The following YIPF7 variants were observed in gnomAD, a reference collection of about 807,000 sequenced individuals.
YIPF7 encodes Yip1 domain family member 7.
Under a neutral mutation model 27.2 loss-of-function variants are expected in YIPF7, and 35 were observed. The ratio of observed to expected loss-of-function variants is 1.29; its 90% CI spans 0.98 to 1.70. The LOEUF is 1.70. YIPF7 is among the 40% of genes most tolerant of loss of function. The pLI is 0.00. For synonymous variants in YIPF7, 137 were observed against 110.4 expected, an observed-to-expected ratio of 1.24 and a Z score of -1.51; for missense variants, 358 against 303.7, an observed-to-expected ratio of 1.18 and a Z score of -1.33.
chr4:44,636,145 G>A (rs972343429), intron 2 of YIPF7, 60 bp from the exon 3 acceptor site: 5 of 1,465,888 alleles, frequency 3.4e-6, no homozygotes, highest in African/African-American at 1.4e-5. Context: ...TGACAAAGGA[G>A]GAAAATTACA....
At chr4:44,624,916 A>G (rs1465845597) in intron 4 of YIPF7, 134 bp from the exon 5 acceptor site, 1 of 772,960 alleles carries the variant, frequency 1.3e-6, no homozygotes, top group African/African-American at 1.8e-5. Context: ...TCATCAGGAG[A>G]CTGGAAGTTC....
intron 2 of YIPF7, among the ~76,000 whole-genome samples, chr4:44,649,247 T>A (rs371557589): frequency 2.4e-4 from 36 of 152,294 alleles, no homozygotes; most frequent in African/African-American, 8.7e-4. Context: ...GCCCAGTGCC[T>A]GTATCCCAGC....
chr4:44,628,244 G>A (rs969556002), intron 4 of YIPF7, among the ~76,000 whole-genome samples: 6 of 152,084 alleles, frequency 3.9e-5, no homozygotes, highest in Admixed American at 3.9e-4. Context: ...GAAATAAGAT[G>A]TTATCGCTAA....
At chr4:44,641,063 C>T (rs1265541176) in intron 2 of YIPF7, among the ~76,000 whole-genome samples, 1 of 152,002 alleles carries the variant, frequency 6.6e-6, no homozygotes, top group Admixed American at 6.6e-5. Flanking sequence ...AGGTGCTCTC[C>T]CATAACCTGA....
At chr4:44,647,305 G>A (rs1420691341) in intron 2 of YIPF7, among the ~76,000 whole-genome samples, 4 of 152,010 alleles carry the variant, frequency 2.6e-5, no homozygotes, top group Non-Finnish European at 4.4e-5. Flanking sequence ...ATAAAGCCGC[G>A]GTCCATGAGT....
At chr4:44,641,392 G>A (rs1196677202) in intron 2 of YIPF7, among the ~76,000 whole-genome samples, 1 of 152,040 alleles carries the variant, frequency 6.6e-6, no homozygotes, top group Non-Finnish European at 1.5e-5. Context: ...ATTCAACTTT[G>A]CCAAGCCATA....
Position 44,622,683 on chromosome 4 carries a change from G to A in YIPF7, c.609-107C>T, listed in dbSNP as rs151304151. ...GCACAATATTTATAACTACTTTCCC[G>A]AGTGGTAAAATGAAAATGATAAAAT... is the stretch of plus-strand genomic sequence containing the variant. On this transcript the variant is annotated intron_variant, in intron 5 of 5. Coordinates refer to ENST00000415895, the MANE Select transcript of YIPF7 (RefSeq NM_182592.3). The A allele has an allele frequency of 3.7e-4, 497 of 1,357,268 alleles. 7 individuals carry two copies. The East Asian group carries it at 0.011, about 31-fold the overall frequency. 84.1% of individuals were successfully genotyped at this position (1,357,268 alleles called of 1,614,324 possible).
At chr4:44,645,676 C>T (rs1016946052) in intron 2 of YIPF7, among the ~76,000 whole-genome samples, 1 of 151,896 alleles carries the variant, frequency 6.6e-6, no homozygotes, top group Non-Finnish European at 1.5e-5. Context: ...TAAATGTTAA[C>T]TGAATTAGAT....
chr4:44,624,563 T>A, intron 5 of YIPF7, 38 bp downstream of exon 5: 1 of 1,506,294 alleles, frequency 6.6e-7, no homozygotes, highest in South Asian at 1.3e-5. Context: ...TGGCTATGAT[T>A]GTGCATGTGG....
At chr4:44,650,131 T>A in intron 1 of YIPF7, 30 bp from the exon 2 acceptor site, 1 of 1,290,420 alleles carries the variant, frequency 7.7e-7, no homozygotes, top group Non-Finnish European at 1.1e-6. Flanking sequence ...TTTTAATAAG[T>A]TCATGAGTCA....
chr4:44,660,861 A>G (rs181563279), intron 1 of YIPF7, among the ~76,000 whole-genome samples: 1 of 152,310 alleles, frequency 6.6e-6, no homozygotes, highest in East Asian at 1.9e-4. Flanking sequence ...TTTTTGTAGG[A>G]TGGAAAAAAT....
chr4:44,623,115 C>G (rs962220600), intron 5 of YIPF7, among the ~76,000 whole-genome samples: 2 of 152,162 alleles, frequency 1.3e-5, no homozygotes, highest in African/African-American at 4.8e-5. Context: ...GTGTGGCTTC[C>G]CACCTCATCC....
intron 2 of YIPF7, among the ~76,000 whole-genome samples, chr4:44,648,720 A>T (rs1379522472): frequency 6.6e-6 from 1 of 152,152 alleles, no homozygotes; most frequent in Non-Finnish European, 1.5e-5. Context: ...TAGTGGTTTT[A>T]CTTTAACACA....
At chr4:44,658,691 A>T (rs1029073321) in intron 2 of YIPF7, among the ~76,000 whole-genome samples, 6 of 152,244 alleles carry the variant, frequency 3.9e-5, no homozygotes, top group African/African-American at 1.4e-4. Flanking sequence ...TGATAAAGGC[A>T]TACCCGAGAC....
intron 3 of YIPF7, among the ~76,000 whole-genome samples, chr4:44,631,428 T>A (rs971614672): frequency 6.6e-6 from 1 of 152,132 alleles, no homozygotes; most frequent in African/African-American, 2.4e-5. Context: ...AAAAGTTGAC[T>A]TTTCTGTACA....
At chr4:44,639,767 AT>A (rs1305342580) in intron 2 of YIPF7, among the ~76,000 whole-genome samples, 1 of 140,514 alleles carries the variant, frequency 7.1e-6, no homozygotes, top group Admixed American at 7.4e-5. Context: ...GTCTTGTTTC[AT>A]TTTTTCTTAG....
chr4:44,641,115 T>A (rs1713308812), intron 2 of YIPF7, among the ~76,000 whole-genome samples: 1 of 152,094 alleles, frequency 6.6e-6, no homozygotes, highest in African/African-American at 2.4e-5. Context: ...ACGTATAGAC[T>A]CTCACTCACC....
intron 1 of YIPF7, among the ~76,000 whole-genome samples, chr4:44,650,470 T>A (rs983975506): frequency 6.8e-6 from 1 of 147,940 alleles, no homozygotes; most frequent in Non-Finnish European, 1.5e-5. Flanking sequence ...ACGATGTTCT[T>A]CATTTTAAGC....
At chr4:44,662,176 T>C (rs1560333288) in intron 1 of YIPF7, among the ~76,000 whole-genome samples, 1 of 152,234 alleles carries the variant, frequency 6.6e-6, no homozygotes. Context: ...TGGAACCCTA[T>C]ATATACTGTT....
Sources: gnomAD v4.1 joint callset for allele counts (sites outside exome capture counted in the v4.1 genomes callset) on GRCh38, gnomAD v4.1.1 for gene constraint, MANE v1.5 for transcripts, NCBI Gene and HGNC (gene_info 2026-07-23, HGNC 2026-07-21) for gene names.